BZW2: variants seen among roughly 807,000 people sequenced by gnomAD.
BZW2 encodes the protein basic leucine zipper and W2 domains 2, also known as eIF5-mimic protein 1.
BZW2 carries 23 observed loss-of-function variants against 53.2 expected under a neutral mutation model. The ratio of observed to expected loss-of-function variants is 0.43; its 90% CI spans 0.31 to 0.61. BZW2 has a LOEUF of 0.61. Ranked by LOEUF, BZW2 falls within the 20% of genes least tolerant of loss-of-function variation. BZW2 has a pLI of 0.09. For synonymous variants in BZW2, 227 were observed against 186.4 expected, an observed-to-expected ratio of 1.22 and a Z score of -1.77; for missense variants, 409 against 503.1, an observed-to-expected ratio of 0.81 and a Z score of 1.79.
At chr7:16,655,473 G>A (rs945777109) in intron 1 of BZW2, among the ~76,000 whole-genome samples, 3 of 152,046 alleles carry the variant, frequency 2.0e-5, no homozygotes, top group Non-Finnish European at 4.4e-5. Context: ...AATTAAATCA[G>A]GGTGATTAGC....
At chr7:16,689,421 C>T (rs1446789828) in intron 6 of BZW2, among the ~76,000 whole-genome samples, 2 of 152,028 alleles carry the variant, frequency 1.3e-5, no homozygotes, top group Admixed American at 1.3e-4. Context: ...AATTTACTTT[C>T]TTGTGCCTCA....
intron 2 of BZW2, 123 bp from the exon 3 acceptor site, chr7:16,674,289 C>T: frequency 1.5e-6 from 1 of 655,352 alleles, no homozygotes; most frequent in Non-Finnish European, 2.4e-6. Context: ...CTCGTACATT[C>T]TTTGGCGATG....
Position 16,686,062 on chromosome 7 carries a change from C to T in BZW2, c.541+22C>T, listed in dbSNP as rs200714280. On this transcript the variant is annotated intron_variant, in intron 6 of 11. Transcript: ENST00000258761. ...GAAGGTAACGAGGCTCCTGTTTTCT[C>T]GCCTGTCAGACAACAAAAGAAAAAT... 17 of 1,610,154 alleles carry T rather than the reference C, an allele frequency of 1.1e-5. No individual in the cohort carries two copies. The East Asian group carries it at 2.9e-4, about 27-fold the overall frequency.
At chr7:16,702,030 A>G (rs1358188569) in intron 10 of BZW2, among the ~76,000 whole-genome samples, 2 of 152,188 alleles carry the variant, frequency 1.3e-5, no homozygotes, top group South Asian at 4.1e-4. Flanking sequence ...GGGAAAACAT[A>G]TATTCCAGTC....
chr7:16,686,743 T>C (rs1460536359), intron 6 of BZW2: 14 of 152,242 alleles, frequency 9.2e-5, no homozygotes, highest in Admixed American at 9.2e-4. Context: ...TCCTCCTACA[T>C]ATATGAAGTC....
At chr7:16,683,139 TA>T (rs1374764879) in intron 5 of BZW2, among the ~76,000 whole-genome samples, 3 of 152,040 alleles carry the variant, frequency 2.0e-5, no homozygotes, top group Non-Finnish European at 4.4e-5. Context: ...GAGGCTTCAG[TA>T]AGCCGAGATC....
At position 16,674,525 on chromosome 7, in the gene BZW2, A is replaced by C; in HGVS notation, c.172A>C (p.Arg58=). 4 of 1,612,624 alleles carry C rather than the reference A, an allele frequency of 2.5e-6. No homozygotes were observed. Among genetic ancestry groups the C allele is most frequent in the South Asian group, 1.1e-5 (1 of 90,840 alleles). The change falls in exon 3 of 12, where the codon AGA becomes CGA. Residue 58 remains arginine, a synonymous_variant. Transcript: ENST00000258761. ...CAAATTTCTGGACTCTACAGGCTCA[A>C]GATTAGATTATCGTCGCTATGCAGA... ...VAKFLDSTGS[R]LDYRRYADTL...
chr7:16,662,116 C>T (rs1782283523), intron 1 of BZW2: 1 of 151,970 alleles, frequency 6.6e-6, no homozygotes, highest in Non-Finnish European at 1.5e-5. Context: ...AAAGGCTGAC[C>T]CTTACTGGAG....
chr7:16,681,513 C>G lies in BZW2; in HGVS notation c.339+109C>G, dbSNP rs554604321. 21 of 915,818 alleles carry G rather than the reference C, an allele frequency of 2.3e-5. No homozygotes were observed. The East Asian group carries it at 5.3e-4, about 23-fold the overall frequency. The allele number at this position is 915,818 out of a possible 1,614,324, so 56.7% of individuals were successfully genotyped here. The stretch of plus-strand genomic sequence containing the variant: ...ATAGGAATCTTAGAAAGCCTTTAAA[C>G]TTATGAAAATAATGGGCATTAAAAC... On this transcript the variant is annotated intron_variant, in intron 4 of 11. Transcript: ENST00000258761.
In BZW2 at chr7:16,698,096, C is replaced by T; in HGVS notation, c.1018C>T (p.Leu340=). 6.2e-7 allele frequency: 1 copy of T among 1,614,188 alleles called. No homozygotes were observed. Among genetic ancestry groups the T allele is most frequent in the Non-Finnish European group, 8.5e-7 (1 of 1,180,006 alleles). The change falls in exon 10 of 12, where the codon CTG becomes TTG. Residue 340 remains leucine, a synonymous_variant. Coordinates refer to ENST00000258761, the MANE Select transcript of BZW2 (RefSeq NM_014038.3). ...GTTCAGCTCCCAAGGCCAGTCAGAG[C>T]TGATCCTCCTCCAGAAGGTTCAGGA... The part of the protein sequence containing the change: ...AVFSSQGQSE[L]ILLQKVQEYC...
At chr7:16,691,937 A>G (rs1783322042) in intron 7 of BZW2, among the ~76,000 whole-genome samples, 2 of 152,078 alleles carry the variant, frequency 1.3e-5, no homozygotes, top group African/African-American at 4.8e-5. Flanking sequence ...TATATGGAAC[A>G]TAGGTGGTGG....
intron 7 of BZW2, among the ~76,000 whole-genome samples, chr7:16,693,583 G>A (rs1166843148): frequency 6.6e-6 from 1 of 152,118 alleles, no homozygotes; most frequent in Non-Finnish European, 1.5e-5. Context: ...GTTGAAACTT[G>A]GTTTACCGTC....
intron 3 of BZW2, 73 bp downstream of exon 3, chr7:16,674,661 A>G: frequency 1.6e-6 from 2 of 1,231,098 alleles, no homozygotes; most frequent in Non-Finnish European, 2.1e-6. Flanking sequence ...TCCTTATAAG[A>G]TAGAGTCTTT....
chr7:16,683,191 A>G (rs997997337), intron 5 of BZW2, among the ~76,000 whole-genome samples: 1 of 152,190 alleles, frequency 6.6e-6, no homozygotes, highest in Non-Finnish European at 1.5e-5. Context: ...GCAAGACTCC[A>G]TCTCAAAAAA....
chr7:16,659,838 GTTTTTATT>G (rs1412651658), intron 1 of BZW2, among the ~76,000 whole-genome samples: 3 of 150,252 alleles, frequency 2.0e-5, no homozygotes, highest in Non-Finnish European at 3.0e-5. Flanking sequence ...TATAATTTTT[GTTTTTATT>G]TTTTTATTTT....
rs576362767 is a variant in BZW2, at chr7:16,670,678, A to T, written c.59-3734A>T. Reference sequence around the variant, plus strand: ...GCTTTTCAGTGGGTTCCTTTTGTGTAGAAACCCAGTTATCCCCTCCTCCCA... The same window carrying T: ...GCTTTTCAGTGGGTTCCTTTTGTGTTGAAACCCAGTTATCCCCTCCTCCCA... On this transcript the variant is annotated intron_variant, in intron 2 of 11. Coordinates refer to ENST00000258761, the MANE Select transcript of BZW2 (RefSeq NM_014038.3). Among the ~76,000 whole-genome samples the T allele has an allele frequency of 3.9e-3, 590 of 152,292 alleles. 5 individuals are homozygous for T. Among genetic ancestry groups the T allele is most frequent in the African/African-American group, 0.013 (553 of 41,566 alleles).
chr7:16,698,571 A>G (rs1430702345), intron 10 of BZW2, among the ~76,000 whole-genome samples: 1 of 152,230 alleles, frequency 6.6e-6, no homozygotes, highest in Non-Finnish European at 1.5e-5. Flanking sequence ...GGTACCATAA[A>G]TCTGACTTTA....
intron 1 of BZW2, among the ~76,000 whole-genome samples, chr7:16,657,198 A>G (rs576476030): frequency 6.6e-6 from 1 of 152,374 alleles, no homozygotes; most frequent in South Asian, 2.1e-4. Flanking sequence ...TAGAAAGGAT[A>G]TGCATTTATT....
intron 1 of BZW2, among the ~76,000 whole-genome samples, chr7:16,658,764 A>G (rs1782179502): frequency 6.6e-6 from 1 of 151,962 alleles, no homozygotes. Flanking sequence ...AATCCCAGCT[A>G]CTTGGGAGGC....
Sources: gnomAD v4.1 joint callset for allele counts (sites outside exome capture counted in the v4.1 genomes callset) on GRCh38, gnomAD v4.1.1 for gene constraint, MANE v1.5 for transcripts, NCBI Gene and HGNC (gene_info 2026-07-23, HGNC 2026-07-21) for gene names.